PDZRN4: variants seen among roughly 807,000 people sequenced by gnomAD.
PDZRN4 encodes the protein PDZ domain-containing RING finger protein 4.
A neutral mutation model predicts 99.0 loss-of-function variants in PDZRN4; 70 were observed. That is an observed-to-expected ratio of 0.71 (90% confidence interval 0.58 to 0.86). The LOEUF (loss-of-function observed/expected upper bound fraction) is 0.86, where lower values mean the gene tolerates loss of function less well. Among genes scored for constraint, PDZRN4 ranks in the 40% least tolerant of loss-of-function variants. PDZRN4 has a pLI of 0.00. For synonymous variants in PDZRN4, 551 were observed against 501.6 expected, an observed-to-expected ratio of 1.10 and a Z score of -1.32; for missense variants, 1,474 against 1,331.2, an observed-to-expected ratio of 1.11 and a Z score of -1.67.
rs570993150 is a variant in PDZRN4 at position 41,219,949 on chromosome 12, G to A, written c.843+25761G>A. Among the ~76,000 whole-genome samples the A allele has an allele frequency of 8.5e-5, 13 of 152,190 alleles. 1 individual carries two copies. The highest frequency in any genetic ancestry group is 2.1e-4 in the South Asian group (1 of 4,818). On this transcript the variant is annotated intron_variant, in intron 3 of 9. Coordinates refer to ENST00000402685, the MANE Select transcript of PDZRN4 (RefSeq NM_001164595.2). ...CCTCAAGATGTCTGACTCTGCTCAC[G>A]GGGAGGGTAAATCCATGGGAGTGCT...
At chr12:41,335,189 T>G (rs371421103) in intron 3 of PDZRN4, among the ~76,000 whole-genome samples, 1 of 136,658 alleles carries the variant, frequency 7.3e-6, no homozygotes, top group South Asian at 2.3e-4. Context: ...ATTGACAAAG[T>G]GTTTGAAACA....
At chr12:41,315,345 G>T (rs373880279) in intron 3 of PDZRN4, among the ~76,000 whole-genome samples, 1 of 151,962 alleles carries the variant, frequency 6.6e-6, no homozygotes, top group African/African-American at 2.4e-5. Flanking sequence ...ACTGACATTT[G>T]ATTTTTTTCC....
At chr12:41,470,685 T>C (rs1012866315) in intron 3 of PDZRN4, among the ~76,000 whole-genome samples, 7 of 152,152 alleles carry the variant, frequency 4.6e-5, no homozygotes, top group African/African-American at 1.4e-4. Flanking sequence ...CGGTGTGTGA[T>C]GTTCCCCTTC....
At chr12:41,453,650 A>G (rs1952793248) in intron 3 of PDZRN4, among the ~76,000 whole-genome samples, 1 of 152,138 alleles carries the variant, frequency 6.6e-6, no homozygotes, top group Non-Finnish European at 1.5e-5. Context: ...AGTGGCTTCA[A>G]ATGTACTCAT....
chr12:41,483,178 G>T (rs1490543284), intron 3 of PDZRN4, among the ~76,000 whole-genome samples: 1 of 151,910 alleles, frequency 6.6e-6, no homozygotes, highest in African/African-American at 2.4e-5. Flanking sequence ...TGAAAGAATA[G>T]ATAGTAGGTG....
chr12:41,239,621 G>A (rs1951090180), intron 3 of PDZRN4, among the ~76,000 whole-genome samples: 1 of 152,152 alleles, frequency 6.6e-6, no homozygotes, highest in Non-Finnish European at 1.5e-5. Flanking sequence ...GGTAAAAGGT[G>A]CCATATGCTA....
In PDZRN4 at chr12:41,232,163, G is replaced by A. The variant is rs191206213; in HGVS notation, c.843+37975G>A. On this transcript the variant is annotated intron_variant, in intron 3 of 9. Coordinates refer to ENST00000402685, the MANE Select transcript of PDZRN4 (RefSeq NM_001164595.2). ...GAGATTATAAATCAATTACGGAACT[G>A]CATGCTAAAAAAGTAAGAGCTGAAA... Among the ~76,000 whole-genome samples, 280 of 152,052 alleles carry A rather than the reference G, an allele frequency of 1.8e-3. 1 individual carries two copies. Among genetic ancestry groups the A allele is most frequent in the African/African-American group, 6.4e-3 (265 of 41,514 alleles).
intron 7 of PDZRN4, among the ~76,000 whole-genome samples, chr12:41,561,475 G>A (rs1939268533): frequency 6.6e-6 from 1 of 151,020 alleles, no homozygotes; most frequent in African/African-American, 2.4e-5. Flanking sequence ...TGCATTTTAA[G>A]ATAGCAAACT....
chr12:41,573,040 G>A lies in PDZRN4; in HGVS notation c.2261G>A (p.Arg754His), dbSNP rs367580859. The A allele has an allele frequency of 1.1e-5, 18 of 1,613,982 alleles. No individual in the cohort carries two copies. The highest frequency in any genetic ancestry group is 1.4e-5 in the Non-Finnish European group (17 of 1,180,020). Residue 754 changes from arginine to histidine, a missense_variant, in exon 10 of 10, where the codon CGT becomes CAT. By Grantham distance (29) the Arg-to-His change is conservative. Transcript: ENST00000402685. ...SCRSTPLTVD[R>H]SPDSSLPRVI... ...AGAAGTACTCCGCTCACTGTAGACC[G>A]TTCCCCTGACAGTTCCCTTCCAAGG...
chr12:41,188,970 A>AGGCGCTGCT lies in PDZRN4; in HGVS notation c.521_529dup (p.Leu174_Ala176dup). 6.8e-7 allele frequency: 1 copy of AGGCGCTGCT among 1,470,724 alleles called. No homozygotes were observed. The highest frequency in any genetic ancestry group is 9.0e-7 in the Non-Finnish European group (1 of 1,112,652). The allele number at this position is 1,470,724 out of a possible 1,614,324, so 91.1% of individuals were successfully genotyped here. ...GTCCTCGCCTGGAGGCGGCGCGAGA[A>AGGCGCTGCT]GGCGCTGCTGGCGCAGCTCTGGGCG... On this transcript the variant is annotated inframe_insertion, in exon 1 of 10. Transcript: ENST00000402685.
chr12:41,213,471 C>T (rs748404080), intron 3 of PDZRN4, among the ~76,000 whole-genome samples: 6 of 152,142 alleles, frequency 3.9e-5, no homozygotes, highest in Non-Finnish European at 5.9e-5. Context: ...CAGTCATGAG[C>T]GCATGCAATG....
At chr12:41,298,032 C>CT (rs2120924432) in intron 3 of PDZRN4, among the ~76,000 whole-genome samples, 1 of 152,202 alleles carries the variant, frequency 6.6e-6, no homozygotes, top group South Asian at 2.1e-4. Flanking sequence ...TCCATTATCC[C>CT]TTTCAGACTC....
chr12:41,511,133 T>G (rs987832891), intron 5 of PDZRN4, among the ~76,000 whole-genome samples: 22 of 152,076 alleles, frequency 1.4e-4, no homozygotes, highest in African/African-American at 5.3e-4. Context: ...TACTTTCAGT[T>G]TGGGGACTGG....
At chr12:41,375,772 GACA>G (rs1331447683) in intron 3 of PDZRN4, among the ~76,000 whole-genome samples, 1 of 151,986 alleles carries the variant, frequency 6.6e-6, no homozygotes, top group Admixed American at 6.6e-5. Flanking sequence ...TTTGTGAGGT[GACA>G]ACATTTAAGG....
intron 3 of PDZRN4, among the ~76,000 whole-genome samples, chr12:41,480,638 T>C (rs1020826039): frequency 6.6e-6 from 1 of 152,180 alleles, no homozygotes; most frequent in Non-Finnish European, 1.5e-5. Context: ...TATTAATTTT[T>C]TCCCAATATC....
intron 3 of PDZRN4, among the ~76,000 whole-genome samples, chr12:41,438,676 A>C (rs767979620): frequency 9.2e-5 from 14 of 152,186 alleles, no homozygotes; most frequent in Non-Finnish European, 1.9e-4. Context: ...CCTAGAAAAA[A>C]GTGTATAAAT....
At chr12:41,461,145 A>T (rs1444830879) in intron 3 of PDZRN4, among the ~76,000 whole-genome samples, 1 of 152,122 alleles carries the variant, frequency 6.6e-6, no homozygotes, top group Non-Finnish European at 1.5e-5. Flanking sequence ...CCAACCAAAC[A>T]AATGACAAGC....
At chr12:41,507,008 T>C (rs1938219378) in intron 4 of PDZRN4, among the ~76,000 whole-genome samples, 1 of 152,150 alleles carries the variant, frequency 6.6e-6, no homozygotes, top group African/African-American at 2.4e-5. Context: ...AAAAGCCTCA[T>C]GCTACTCATG....
At chr12:41,324,266 CAA>C (rs560871131) in intron 3 of PDZRN4, among the ~76,000 whole-genome samples, 5 of 150,500 alleles carry the variant, frequency 3.3e-5, no homozygotes, top group African/African-American at 4.9e-5. Flanking sequence ...TCTTACTATA[CAA>C]AAAAAAATAT....
Sources: gnomAD v4.1 joint callset for allele counts (sites outside exome capture counted in the v4.1 genomes callset) on GRCh38, gnomAD v4.1.1 for gene constraint, MANE v1.5 for transcripts, NCBI Gene and HGNC (gene_info 2026-07-23, HGNC 2026-07-21) for gene names.